Variants in KDM5B observed in about 807,000 individuals in gnomAD.
The protein encoded by KDM5B is lysine demethylase 5B.
Under a neutral mutation model 193.4 loss-of-function variants are expected in KDM5B, and 144 were observed. The observed-to-expected ratio is 0.74, with a 90% confidence interval of 0.65 to 0.86. The LOEUF (loss-of-function observed/expected upper bound fraction) is 0.86, where lower values mean the gene tolerates loss of function less well. KDM5B is among the 40% of genes least tolerant of loss of function. The probability of loss-of-function intolerance (pLI) is 0.00; values close to 1 mark genes in which losing one functional copy is unlikely to be tolerated. For synonymous variants in KDM5B, 668 were observed against 682.6 expected (o/e 0.98, Z 0.33); for missense variants, 1,833 against 1,886.9 (o/e 0.97, Z 0.53).
At position 202,727,733 on chromosome 1, in the gene KDM5B, CAG is replaced by C. The variant is rs1252481138; in HGVS notation, c.*1301_*1302del. 6.6e-6 allele frequency: 1 copy of C among 152,660 alleles called. No individual in the cohort carries two copies. The highest frequency in any genetic ancestry group is 1.5e-5 in the Non-Finnish European group (1 of 68,050). 9.5% of individuals were successfully genotyped at this position (152,660 alleles called of 1,614,324 possible). On this transcript the variant is annotated 3_prime_UTR_variant, in exon 27 of 27. Transcript: ENST00000367265. ...AGAAATGAGAAAGGAAACCAGGAGGCAGAGTCTGGGAATTCACAAGTCTCCTC... is the reference window on the plus strand; with the variant it reads ...AGAAATGAGAAAGGAAACCAGGAGGCAGTCTGGGAATTCACAAGTCTCCTC...
chr1:202,749,092 T>C lies in KDM5B; in HGVS notation c.1869A>G (p.Arg623=). 6.2e-7 allele frequency: 1 copy of C among 1,614,052 alleles called. No individual in the cohort carries two copies. The highest frequency in any genetic ancestry group is 8.5e-7 in the Non-Finnish European group (1 of 1,179,980). ...QCVEHYRLLH[R]YCVFSHDEMI... The stretch of plus-strand genomic sequence containing the variant: ...TCTCATCGTGGGAAAACACACAATA[T>C]CGATGAAGCAAGCGATAATGCTCCA... The change falls in exon 14 of 27, where the codon CGA becomes CGG. Residue 623 remains arginine (R), a synonymous_variant. Coordinates refer to ENST00000367265, the MANE Select transcript of KDM5B (RefSeq NM_006618.5).
chr1:202,766,525 CT>C (rs1202806852), intron 5 of KDM5B: 9 of 430,282 alleles, frequency 2.1e-5, no homozygotes, highest in Non-Finnish European at 4.1e-5. Context: ...AAAAAGAAGT[CT>C]GAGAAAAGTG....
intron 1 of KDM5B, chr1:202,806,498 GC>G (rs1475080020): frequency 1.3e-5 from 2 of 152,220 alleles, no homozygotes; most frequent in African/African-American, 4.8e-5. Flanking sequence ...CCCTTAAGCA[GC>G]AAGAATCAAC....
At chr1:202,755,532 C>G in intron 10 of KDM5B, 80 bp from the exon 11 acceptor site, 2 of 1,100,514 alleles carry the variant, frequency 1.8e-6, no homozygotes, top group Non-Finnish European at 2.6e-6. Flanking sequence ...AAAATATTAT[C>G]CTTCAAAATA....
rs771677353 is a variant in KDM5B, at chr1:202,749,010, C to G, written c.1951G>C (p.Val651Leu). 2 of 1,613,928 alleles carry G rather than the reference C, an allele frequency of 1.2e-6. No homozygotes were observed. Among genetic ancestry groups the G allele is most frequent in the Non-Finnish European group, 1.7e-6 (2 of 1,179,924 alleles). The part of the protein sequence containing the change: ...DVLDVVVAST[V>L]QKDMAIMIED... The stretch of plus-strand genomic sequence containing the variant: ...ATCATAATGGCCATGTCTTTCTGAA[C>G]AGTTGAAGCCACTACAACATCTAAT... The change falls in exon 14 of 27, where the codon GTT (valine) becomes CTT (leucine). Residue 651 changes from valine to leucine, a missense_variant. Physicochemically the swap from Val to Leu is conservative, Grantham distance 32. Around this residue, in one of 3 missense-constraint regions of KDM5B, gnomAD observed 1,379 missense variants for 1,349.6 expected, o/e 1.02. Transcript: ENST00000367265.
chr1:202,767,518 G>A (rs1190435785), intron 4 of KDM5B: 2 of 683,032 alleles, frequency 2.9e-6, no homozygotes, highest in South Asian at 3.5e-5. Context: ...GTTCCCCGGT[G>A]TGCAAGGACT....
rs764597031 is a variant in KDM5B, at chr1:202,733,521, C to T, written c.3789G>A (p.Gln1263=). The T allele has an allele frequency of 1.6e-5, 26 of 1,614,036 alleles. No individual in the cohort carries two copies. Among genetic ancestry groups the T allele is most frequent in the Middle Eastern group, 1.6e-4 (1 of 6,084 alleles). Residue 1263 remains glutamine, a synonymous_variant, in exon 23 of 27, where the codon CAG becomes CAA. Transcript: ENST00000367265. ...RYMIERTVNW[Q]HRAQQLLSSG... ...ACGAAAGCAGTTGCTGGGCTCTGTG[C>T]TGCCAGTTCACGGTTCTTTCAATCA...
At position 202,728,044 on chromosome 1, in the gene KDM5B, A is replaced by T. The variant is rs1160360912; in HGVS notation, c.*992T>A. ...GCCCACCAAACAGAGCAGGACACAAAAGAAGAATCCCCTAATGTTGTTTGC... is the reference window on the plus strand; with the variant it reads ...GCCCACCAAACAGAGCAGGACACAATAGAAGAATCCCCTAATGTTGTTTGC... On this transcript the variant is annotated 3_prime_UTR_variant, in exon 27 of 27. Transcript: ENST00000367265. 1.3e-5 allele frequency: 2 copies of T among 152,258 alleles called. No homozygotes were observed. The highest frequency in any genetic ancestry group is 4.8e-5 in the African/African-American group (2 of 41,244). 9.4% of individuals were successfully genotyped at this position (152,258 alleles called of 1,614,324 possible). A position where few individuals can be genotyped will look rare whatever the true frequency, so the allele number is the denominator to read the frequency against.
At chr1:202,777,507 T>G (rs1364531609) in intron 1 of KDM5B, among the ~76,000 whole-genome samples, 1 of 150,988 alleles carries the variant, frequency 6.6e-6, no homozygotes, top group East Asian at 1.9e-4. Context: ...TAATTTTTTT[T>G]TTTTGAGATA....
chr1:202,800,880 T>C (rs180800014), intron 1 of KDM5B, among the ~76,000 whole-genome samples: 1 of 152,334 alleles, frequency 6.6e-6, no homozygotes, highest in African/African-American at 2.4e-5. Context: ...ACTTGACATG[T>C]CCCAACAAAT....
intron 1 of KDM5B, among the ~76,000 whole-genome samples, chr1:202,779,851 T>C (rs182802571): frequency 7.4e-6 from 1 of 134,714 alleles, no homozygotes; most frequent in East Asian, 2.2e-4. Context: ...AAATAAAAAA[T>C]AAAGGAAGAA....
At chr1:202,795,868 G>C (rs937928090) in intron 1 of KDM5B, among the ~76,000 whole-genome samples, 3 of 151,496 alleles carry the variant, frequency 2.0e-5, no homozygotes, top group Non-Finnish European at 2.9e-5. Flanking sequence ...AGTCAGTCTT[G>C]GTGCAAGGTG....
chr1:202,768,723 T>C (rs1050143684), intron 4 of KDM5B, among the ~76,000 whole-genome samples: 1 of 150,724 alleles, frequency 6.6e-6, no homozygotes, highest in African/African-American at 2.4e-5. Context: ...TATTCTTTTT[T>C]TTTTTTTTTT....
At chr1:202,795,104 C>T (rs561514394) in intron 1 of KDM5B, among the ~76,000 whole-genome samples, 7 of 151,902 alleles carry the variant, frequency 4.6e-5, no homozygotes, top group Non-Finnish European at 1.0e-4. Flanking sequence ...GTCTCAGCTA[C>T]TCAAGAGGCT....
chr1:202,733,535 T>C lies in KDM5B; in HGVS notation c.3775A>G (p.Thr1259Ala). Residue 1259 changes from threonine (T) to alanine (A), a missense_variant, in exon 23 of 27, where the codon ACC becomes GCC. Transcript: ENST00000367265. ...TGGGCTCTGTGCTGCCAGTTCACGGTTCTTTCAATCATATATCGAAGTGCA... is the reference window on the plus strand; with the variant it reads ...TGGGCTCTGTGCTGCCAGTTCACGGCTCTTTCAATCATATATCGAAGTGCA... The part of the protein sequence containing the change: ...GDALRYMIER[T>A]VNWQHRAQQL... The C allele has an allele frequency of 6.2e-7, 1 of 1,614,118 alleles. No individual in the cohort carries two copies. Among genetic ancestry groups the C allele is most frequent in the Non-Finnish European group, 8.5e-7 (1 of 1,180,010 alleles).
intron 1 of KDM5B, among the ~76,000 whole-genome samples, chr1:202,784,541 CAAAT>C (rs1317869174): frequency 4.6e-5 from 7 of 152,186 alleles, no homozygotes; most frequent in Non-Finnish European, 8.8e-5. Context: ...ACTTTCTCAT[CAAAT>C]GAATGGTTTC....
At chr1:202,754,619 C>A (rs1655936733) in intron 11 of KDM5B, among the ~76,000 whole-genome samples, 2 of 152,200 alleles carry the variant, frequency 1.3e-5, no homozygotes, top group Admixed American at 6.5e-5. Flanking sequence ...GCTAGCACTG[C>A]CACCAAATGG....
At position 202,730,026 on chromosome 1, in the gene KDM5B, T is replaced by C; in HGVS notation, c.4178A>G (p.Asn1393Ser). ...SSPVRPSSEK[N>S]DCCRGKRDGI... ...ATCTCGCTTCCCTCGGCAACAGTCA[T>C]TCTGGGTGGAAGATAGGAAAGTTCA... The change falls in exon 26 of 27, where the codon AAT becomes AGT. Residue 1393 changes from asparagine (N) to serine (S), a missense_variant and splice_region_variant. Around this residue, in one of 3 missense-constraint regions of KDM5B, gnomAD observed 1,379 missense variants for 1,349.6 expected, o/e 1.02. Coordinates refer to ENST00000367265, the MANE Select transcript of KDM5B (RefSeq NM_006618.5). 1 of 1,607,480 alleles carries C rather than the reference T, an allele frequency of 6.2e-7. No individual in the cohort carries two copies. The highest frequency in any genetic ancestry group is 8.5e-7 in the Non-Finnish European group (1 of 1,176,814).
intron 3 of KDM5B, 103 bp downstream of exon 3, chr1:202,774,510 G>A (rs1656857192): frequency 1.0e-5 from 11 of 1,079,554 alleles, no homozygotes; most frequent in Admixed American, 8.4e-5. Context: ...TTACAGGTGC[G>A]AGCCACCTGG....
Sources: gnomAD v4.1 joint callset for allele counts (sites outside exome capture counted in the v4.1 genomes callset) on GRCh38, gnomAD v4.1.1 for gene constraint, gnomAD v4.1.1 regional missense constraint, MANE v1.5 for transcripts, NCBI Gene and HGNC (gene_info 2026-07-23, HGNC 2026-07-21) for gene names.